Variants in BMERB1 observed in about 807,000 individuals in gnomAD.
BMERB1 encodes the protein bMERB domain containing 1.
BMERB1 carries 12 observed loss-of-function variants against 23.6 expected under a neutral mutation model. The observed-to-expected ratio is 0.51, with a 90% CI of 0.33 to 0.82. The LOEUF is 0.82. Ranked by LOEUF, BMERB1 falls within the 40% of genes least tolerant of loss-of-function variation. The pLI is 0.03. For synonymous variants in BMERB1, 122 were observed against 96.6 expected, an observed-to-expected ratio of 1.26 and a Z score of -1.54; for missense variants, 247 against 255.4, an observed-to-expected ratio of 0.97 and a Z score of 0.22.
At chr16:15,511,793 C>T (rs1414856989) in intron 1 of BMERB1, among the ~76,000 whole-genome samples, 1 of 152,002 alleles carries the variant, frequency 6.6e-6, no homozygotes, top group Non-Finnish European at 1.5e-5. Flanking sequence ...TGGCAGATTA[C>T]CTGAGGTCAG....
chr16:15,450,286 A>G (rs1412997833), intron 1 of BMERB1, among the ~76,000 whole-genome samples: 8 of 152,074 alleles, frequency 5.3e-5, no homozygotes, highest in Admixed American at 4.6e-4. Flanking sequence ...TATTCTTTTG[A>G]TGTTTTCCCA....
At chr16:15,586,444 A>G (rs1487132549) in intron 5 of BMERB1, among the ~76,000 whole-genome samples, 1 of 152,224 alleles carries the variant, frequency 6.6e-6, no homozygotes, top group Non-Finnish European at 1.5e-5. Flanking sequence ...TGGCAGGTAC[A>G]ATGATGATAA....
intron 2 of BMERB1, among the ~76,000 whole-genome samples, chr16:15,525,597 C>G (rs1029388795): frequency 6.6e-6 from 1 of 151,210 alleles, no homozygotes; most frequent in Admixed American, 6.6e-5. Context: ...CCCAGCTACT[C>G]GGAAAGTCGA....
intron 1 of BMERB1, among the ~76,000 whole-genome samples, chr16:15,450,265 T>C (rs749386476): frequency 1.1e-4 from 17 of 152,042 alleles, no homozygotes; most frequent in Non-Finnish European, 2.1e-4. Flanking sequence ...TCCCATGTCA[T>C]AAAATATTAT....
intron 1 of BMERB1, among the ~76,000 whole-genome samples, chr16:15,462,858 T>C (rs1260863347): frequency 1.3e-5 from 2 of 152,160 alleles, no homozygotes; most frequent in East Asian, 1.9e-4. Flanking sequence ...AGTGGAGACA[T>C]GTGCTGGACT....
At chr16:15,530,711 C>T (rs1352221835) in intron 2 of BMERB1, among the ~76,000 whole-genome samples, 3 of 152,034 alleles carry the variant, frequency 2.0e-5, no homozygotes, top group South Asian at 2.1e-4. Flanking sequence ...TGGGTGGTTG[C>T]GCCATGCTGT....
intron 2 of BMERB1, among the ~76,000 whole-genome samples, chr16:15,525,912 T>G (rs2051900891): frequency 6.6e-6 from 1 of 152,156 alleles, no homozygotes; most frequent in African/African-American, 2.4e-5. Flanking sequence ...CTTATCTCTT[T>G]GGAAAACAGT....
chr16:15,585,051 A>G (rs1262611499), intron 5 of BMERB1, among the ~76,000 whole-genome samples: 5 of 152,238 alleles, frequency 3.3e-5, no homozygotes, highest in African/African-American at 7.2e-5. Context: ...GCCACTGTCT[A>G]TAAAACTACA....
chr16:15,560,988 G>T (rs1483115116), intron 2 of BMERB1, among the ~76,000 whole-genome samples: 2 of 110,790 alleles, frequency 1.8e-5, no homozygotes, highest in Non-Finnish European at 3.3e-5. Flanking sequence ...ACGGAGTCTC[G>T]CTCTGTTGCC....
intron 1 of BMERB1, among the ~76,000 whole-genome samples, chr16:15,436,341 C>G (rs1014753051): frequency 2.0e-5 from 3 of 150,574 alleles, no homozygotes; most frequent in African/African-American, 7.3e-5. Flanking sequence ...TCACTGCGAC[C>G]TCCACTTCCT....
At position 15,581,159 on chromosome 16, in the gene BMERB1, C is replaced by T. The variant is rs1357452312; in HGVS notation, c.305-58C>T. 1.4e-5 allele frequency: 18 copies of T among 1,308,522 alleles called. 1 individual carries two copies. The highest frequency in any genetic ancestry group is 1.0e-4 in the East Asian group (4 of 40,146). The allele number at this position is 1,308,522 out of a possible 1,614,324, so 81.1% of individuals were successfully genotyped here. On this transcript the variant is annotated intron_variant, in intron 3 of 5. Coordinates refer to ENST00000300006, the MANE Select transcript of BMERB1 (RefSeq NM_033201.3). The stretch of plus-strand genomic sequence containing the variant: ...CTGAAACTCCTGACCTCAAGTGATC[C>T]GCCCACCTCAGCCTCCCAAAATGCT...
At chr16:15,456,791 T>C (rs2051090750) in intron 1 of BMERB1, among the ~76,000 whole-genome samples, 1 of 152,174 alleles carries the variant, frequency 6.6e-6, no homozygotes, top group African/African-American at 2.4e-5. Context: ...ATATCTTTTG[T>C]CATTTTTGCA....
intron 2 of BMERB1, among the ~76,000 whole-genome samples, chr16:15,520,928 G>C (rs760983388): frequency 1.3e-5 from 2 of 152,172 alleles, no homozygotes; most frequent in African/African-American, 4.8e-5. Flanking sequence ...AAACTCACCA[G>C]ATTACCACAT....
intron 1 of BMERB1, among the ~76,000 whole-genome samples, chr16:15,475,593 A>G (rs183137086): frequency 6.6e-6 from 1 of 152,324 alleles, no homozygotes; most frequent in Admixed American, 6.5e-5. Flanking sequence ...ACATGTGACA[A>G]AATGAATGGA....
Position 15,539,322 on chromosome 16 carries a change from G to A in BMERB1, c.230+23894G>A, listed in dbSNP as rs1011743248. On this transcript the variant is annotated intron_variant, in intron 2 of 5. Transcript: ENST00000300006. ...ATCTGACAGGAGGGGGAGCTCAGCC[G>A]GTACTGTGAGCATGGGGAGTGGCCG... Among the ~76,000 whole-genome samples the A allele has an allele frequency of 3.9e-5, 6 of 152,170 alleles. No individual in the cohort carries two copies. The East Asian group carries it at 9.7e-4, about 25-fold the overall frequency.
chr16:15,447,752 A>G (rs186981835), intron 1 of BMERB1, among the ~76,000 whole-genome samples: 2 of 152,286 alleles, frequency 1.3e-5, no homozygotes, highest in East Asian at 1.9e-4. Context: ...GGAGGCGTGC[A>G]TGAGCTTCGC....
At chr16:15,472,184 A>G (rs1353864062) in intron 1 of BMERB1, among the ~76,000 whole-genome samples, 2 of 152,166 alleles carry the variant, frequency 1.3e-5, no homozygotes, top group African/African-American at 2.4e-5. Flanking sequence ...GGTATGGTCT[A>G]TCTTGGTAAA....
At chr16:15,447,790 G>C (rs1460718679) in intron 1 of BMERB1, 1 of 448,822 alleles carries the variant, frequency 2.2e-6, no homozygotes, top group Non-Finnish European at 4.5e-6. Context: ...GAGATAAAAA[G>C]GATGGTTAAG....
intron 4 of BMERB1, among the ~76,000 whole-genome samples, chr16:15,581,654 A>C (rs1423537429): frequency 6.6e-6 from 1 of 152,188 alleles, no homozygotes; most frequent in African/African-American, 2.4e-5. Context: ...AACTTCTGCT[A>C]TCAGTTTCTA....
Sources: gnomAD v4.1 joint callset for allele counts (sites outside exome capture counted in the v4.1 genomes callset) on GRCh38, gnomAD v4.1.1 for gene constraint, MANE v1.5 for transcripts, NCBI Gene and HGNC (gene_info 2026-07-23, HGNC 2026-07-21) for gene names.